Variants in PAM observed in about 807,000 individuals in gnomAD.
The protein encoded by PAM is peptidyl-glycine alpha-amidating monooxygenase.
A neutral mutation model predicts 122.1 loss-of-function variants in PAM; 72 were observed. That is an observed-to-expected ratio of 0.59 (90% CI 0.49 to 0.72). The LOEUF (loss-of-function observed/expected upper bound fraction) is 0.72. Ranked by LOEUF, PAM falls within the 30% of genes least tolerant of loss-of-function variation. The probability of loss-of-function intolerance (pLI) is 0.00; values close to 1 mark genes in which losing one functional copy is unlikely to be tolerated. For synonymous variants in PAM, 389 were observed against 404.4 expected (o/e 0.96, Z 0.46); for missense variants, 1,106 against 1,183.7 (o/e 0.93, Z 0.96).
intron 1 of PAM, among the ~76,000 whole-genome samples, chr5:102,863,092 AC>A (rs1300351268): frequency 6.9e-6 from 1 of 145,070 alleles, no homozygotes; most frequent in Non-Finnish European, 1.5e-5. Flanking sequence ...GTACTTAACT[AC>A]CTACTAATAC....
chr5:102,970,924 C>T (rs111268363), intron 14 of PAM, among the ~76,000 whole-genome samples: 8,157 of 151,948 alleles, frequency 0.054, 728 homozygotes, highest in African/African-American at 0.19. Flanking sequence ...CTCGTGCCTC[C>T]GCCTCCTAAG....
chr5:102,781,331 AG>A (rs1758897074), intron 1 of PAM, among the ~76,000 whole-genome samples: 1 of 152,230 alleles, frequency 6.6e-6, no homozygotes, highest in African/African-American at 2.4e-5. Context: ...TAGAATTTCA[AG>A]AAAGACTATT....
chr5:102,831,585 A>G (rs2150437806), intron 1 of PAM, among the ~76,000 whole-genome samples: 1 of 152,276 alleles, frequency 6.6e-6, no homozygotes, highest in East Asian at 1.9e-4. Flanking sequence ...ATGTTTATCA[A>G]TAGCTGAGAG....
At chr5:102,861,752 A>G (rs575036749) in intron 1 of PAM, among the ~76,000 whole-genome samples, 8 of 152,292 alleles carry the variant, frequency 5.3e-5, no homozygotes, top group Non-Finnish European at 8.8e-5. Context: ...GGGATGATGG[A>G]GCATCAGGTC....
intron 1 of PAM, among the ~76,000 whole-genome samples, chr5:102,801,639 C>T (rs1764726189): frequency 6.6e-6 from 1 of 152,158 alleles, no homozygotes; most frequent in Non-Finnish European, 1.5e-5. Context: ...TGCTGGTCTT[C>T]TTAGGCTGCA....
intron 12 of PAM, among the ~76,000 whole-genome samples, chr5:102,952,502 A>G (rs1759278146): frequency 6.6e-6 from 1 of 152,144 alleles, no homozygotes; most frequent in Non-Finnish European, 1.5e-5. Context: ...AATAGAAAGG[A>G]ATTATAGGAA....
chr5:102,969,759 G>C lies in PAM; in HGVS notation c.1163-4357G>C, dbSNP rs527843149. Among the ~76,000 whole-genome samples, 8 of 152,262 alleles carry C rather than the reference G, an allele frequency of 5.3e-5. No individual in the cohort carries two copies. The South Asian group carries it at 1.7e-3, about 32-fold the overall frequency. On this transcript the variant is annotated intron_variant, in intron 14 of 25. Coordinates refer to ENST00000438793, the MANE Select transcript of PAM (RefSeq NM_001177306.2). The stretch of plus-strand genomic sequence containing the variant: ...AATGAGACAGACAGACATCCAAGTG[G>C]GATTTTCCAGAAGACAGTTTTGTAA...
In PAM at chr5:102,802,978, C is replaced by A. The variant is rs1036309582; in HGVS notation, c.-374+47630C>A. Among the ~76,000 whole-genome samples, 12 of 151,976 alleles carry A rather than the reference C, an allele frequency of 7.9e-5. No homozygotes were observed. The East Asian group carries it at 1.7e-3, about 22-fold the overall frequency. ...ACACACAAAAAACATTAAAAAATTG[C>A]CAGGTGTGGTGGTGCATGCCAGTAG... On this transcript the variant is annotated intron_variant, in intron 1 of 25. Coordinates refer to ENST00000438793, the MANE Select transcript of PAM (RefSeq NM_001177306.2).
At chr5:102,941,582 G>A (rs746004021) in intron 7 of PAM, among the ~76,000 whole-genome samples, 1 of 151,778 alleles carries the variant, frequency 6.6e-6, no homozygotes, top group Non-Finnish European at 1.5e-5. Flanking sequence ...TTAAAGTGTC[G>A]GTGCTTTTGA....
chr5:102,863,064 G>C (rs1179556734), intron 1 of PAM, among the ~76,000 whole-genome samples: 1 of 144,426 alleles, frequency 6.9e-6, no homozygotes, highest in African/African-American at 2.9e-5. Flanking sequence ...TTAGTTTTAT[G>C]GTCTTCTGGA....
At chr5:102,853,312 G>A (rs1298317593) in intron 1 of PAM, among the ~76,000 whole-genome samples, 1 of 152,168 alleles carries the variant, frequency 6.6e-6, no homozygotes, top group Admixed American at 6.5e-5. Context: ...TTTGCTAAGT[G>A]AGAGAGTTAC....
chr5:102,835,197 C>T (rs1410893217), intron 1 of PAM, among the ~76,000 whole-genome samples: 3 of 152,062 alleles, frequency 2.0e-5, no homozygotes, highest in African/African-American at 7.2e-5. Flanking sequence ...TCAAAATAGC[C>T]TACATTGAAT....
intron 9 of PAM, among the ~76,000 whole-genome samples, chr5:102,948,978 T>C (rs1249018696): frequency 1.3e-5 from 2 of 152,110 alleles, no homozygotes; most frequent in African/African-American, 4.8e-5. Flanking sequence ...CTGATGAAAG[T>C]GCCATATGAA....
chr5:102,981,992 A>G (rs1770043939), intron 15 of PAM, among the ~76,000 whole-genome samples: 2 of 152,142 alleles, frequency 1.3e-5, no homozygotes, highest in Non-Finnish European at 2.9e-5. Context: ...CCATGGACAT[A>G]CACCATCAGA....
chr5:103,029,154 T>C lies in PAM; in HGVS notation c.*89T>C, dbSNP rs1395823659. 1.2e-5 allele frequency: 13 copies of C among 1,070,070 alleles called. No homozygotes were observed. The highest frequency in any genetic ancestry group is 8.0e-5 in the South Asian group (5 of 62,628). 66.3% of individuals were successfully genotyped at this position (1,070,070 alleles called of 1,614,324 possible). The stretch of plus-strand genomic sequence containing the variant: ...CACGTTTAAAGTTCTGTGTATTTAA[T>C]TGTAAACTGTACTAGTCTGTGTGGG... On this transcript the variant is annotated 3_prime_UTR_variant, in exon 26 of 26. Transcript: ENST00000438793.
Position 102,912,548 on chromosome 5 carries a change from A to G in PAM, c.269-1386A>G, listed in dbSNP as rs866548570. Among the ~76,000 whole-genome samples, 190 of 152,072 alleles carry G rather than the reference A, an allele frequency of 1.2e-3. 1 individual carries two copies. Among genetic ancestry groups the G allele is most frequent in the African/African-American group, 4.4e-3 (182 of 41,552 alleles). On this transcript the variant is annotated intron_variant, in intron 4 of 25. Transcript: ENST00000438793. ...CCTGCACTCAACCTGGCAGTGGTCT[A>G]TAGATATAGAATCCTTCTTCTTTCT...
At chr5:102,910,789 C>A (rs367594966) in intron 4 of PAM, among the ~76,000 whole-genome samples, 1 of 151,814 alleles carries the variant, frequency 6.6e-6, no homozygotes, top group East Asian at 2.0e-4. Context: ...TCCTTTATTT[C>A]TTTGGTGTAT....
intron 12 of PAM, among the ~76,000 whole-genome samples, chr5:102,954,190 G>C (rs1458190594): frequency 6.6e-6 from 1 of 151,942 alleles, no homozygotes; most frequent in East Asian, 1.9e-4. Context: ...GGGAACAGGT[G>C]GTTTTTTGTT....
chr5:103,016,522 C>T (rs1782040980), intron 21 of PAM, among the ~76,000 whole-genome samples: 1 of 152,190 alleles, frequency 6.6e-6, no homozygotes, highest in Non-Finnish European at 1.5e-5. Context: ...ATGTCAGCAG[C>T]ACAATAATTT....
Sources: gnomAD v4.1 joint callset for allele counts (sites outside exome capture counted in the v4.1 genomes callset) on GRCh38, gnomAD v4.1.1 for gene constraint, MANE v1.5 for transcripts, NCBI Gene and HGNC (gene_info 2026-07-23, HGNC 2026-07-21) for gene names.